The following FGF12 variants were observed in gnomAD, a reference collection of about 807,000 sequenced individuals.
FGF12 encodes fibroblast growth factor 12.
FGF12 carries 14 observed loss-of-function variants against 23.6 expected under a neutral mutation model. The observed-to-expected ratio is 0.59, with a 90% CI of 0.39 to 0.93. The LOEUF is 0.93. Ranked by LOEUF, FGF12 falls within the 40% of genes least tolerant of loss-of-function variation. The pLI is 0.00. For synonymous variants in FGF12, 62 were observed against 77.3 expected (o/e 0.80, Z 1.04); for missense variants, 175 against 217.8 (o/e 0.80, Z 1.24).
At chr3:192,187,633 T>C (rs141477270) in intron 4 of FGF12, among the ~76,000 whole-genome samples, 1 of 152,342 alleles carries the variant, frequency 6.6e-6, no homozygotes, top group East Asian at 1.9e-4. Context: ...TAAGTGATAA[T>C]GCTTCCTTCT....
intron 4 of FGF12, among the ~76,000 whole-genome samples, chr3:192,227,446 A>T (rs748342439): frequency 8.5e-5 from 13 of 152,052 alleles, no homozygotes; most frequent in Non-Finnish European, 1.9e-4. Flanking sequence ...CAATATCCGA[A>T]ATGTACCCTA....
intron 4 of FGF12, among the ~76,000 whole-genome samples, chr3:192,213,952 A>G (rs1000214139): frequency 6.6e-6 from 1 of 152,206 alleles, no homozygotes; most frequent in Non-Finnish European, 1.5e-5. Context: ...CTGGAGTACC[A>G]GGGCATGAAA....
At chr3:192,309,594 G>A (rs1455789287) in intron 4 of FGF12, among the ~76,000 whole-genome samples, 1 of 152,160 alleles carries the variant, frequency 6.6e-6, no homozygotes, top group African/African-American at 2.4e-5. Context: ...AAGAAAGGCA[G>A]ACTACTTCTT....
At chr3:192,467,048 T>C (rs1723031436) in intron 2 of FGF12, among the ~76,000 whole-genome samples, 1 of 152,212 alleles carries the variant, frequency 6.6e-6, no homozygotes, top group African/African-American at 2.4e-5. Flanking sequence ...TTATTTATAA[T>C]TTTTAGGTTT....
chr3:192,602,188 T>C (rs964652369), intron 2 of FGF12, among the ~76,000 whole-genome samples: 3 of 152,054 alleles, frequency 2.0e-5, no homozygotes, highest in African/African-American at 4.8e-5. Flanking sequence ...AGTGGGGAGA[T>C]TGTGTATGTG....
intron 2 of FGF12, among the ~76,000 whole-genome samples, chr3:192,682,360 A>G (rs1453092949): frequency 6.6e-6 from 1 of 152,060 alleles, no homozygotes; most frequent in Non-Finnish European, 1.5e-5. Flanking sequence ...CCGGGTCCCA[A>G]ATCTGAGGTC....
At chr3:192,155,184 C>T (rs941008070) in intron 5 of FGF12, among the ~76,000 whole-genome samples, 60 of 151,828 alleles carry the variant, frequency 4.0e-4, no homozygotes, top group African/African-American at 1.4e-3. Flanking sequence ...GCGCACGGTG[C>T]GCGCACCCAC....
rs1350529949 is a variant in FGF12 at position 192,142,959 on chromosome 3, T to G, written c.*1050A>C. ...GGTACAAACGCAAATGCAATTTGCGTTGACTAATTTCCTAGGACTTATTTC... is the reference window on the plus strand; with the variant it reads ...GGTACAAACGCAAATGCAATTTGCGGTGACTAATTTCCTAGGACTTATTTC... On this transcript the variant is annotated 3_prime_UTR_variant, in exon 6 of 6. Transcript: ENST00000445105. The G allele has an allele frequency of 1.3e-5, 2 of 152,002 alleles. No individual in the cohort carries two copies. Among genetic ancestry groups the G allele is most frequent in the Non-Finnish European group, 2.9e-5 (2 of 67,968 alleles). 9.4% of individuals were successfully genotyped at this position (152,002 alleles called of 1,614,324 possible). A position where few individuals can be genotyped will look rare whatever the true frequency, so the allele number is the denominator to read the frequency against.
intron 2 of FGF12, among the ~76,000 whole-genome samples, chr3:192,627,656 C>A (rs1560173986): frequency 6.6e-6 from 1 of 152,080 alleles, no homozygotes. Context: ...GTAGGGATAT[C>A]ATTTATTTGA....
intron 2 of FGF12, among the ~76,000 whole-genome samples, chr3:192,503,588 GGTGT>G (rs1553822549): frequency 9.3e-6 from 1 of 107,354 alleles, no homozygotes. Context: ...TTTTTTTTTT[GGTGT>G]GTGTGTGTGT....
chr3:192,406,381 G>A (rs151157569), intron 2 of FGF12, among the ~76,000 whole-genome samples: 61 of 152,040 alleles, frequency 4.0e-4, no homozygotes, highest in South Asian at 1.0e-3. Flanking sequence ...GTGCAAGCAC[G>A]TACTTCAGAG....
chr3:192,231,760 ACT>A (rs1175212427), intron 4 of FGF12, among the ~76,000 whole-genome samples: 2 of 151,672 alleles, frequency 1.3e-5, no homozygotes, highest in Non-Finnish European at 2.9e-5. Context: ...ACACAGCAAG[ACT>A]CTGTCTCCAA....
At chr3:192,175,906 C>T (rs1485726635) in intron 4 of FGF12, among the ~76,000 whole-genome samples, 2 of 152,104 alleles carry the variant, frequency 1.3e-5, no homozygotes, top group African/African-American at 4.8e-5. Flanking sequence ...GTTTCTTCTC[C>T]CTGCACATAG....
chr3:192,574,827 T>A (rs1267147179), intron 2 of FGF12, among the ~76,000 whole-genome samples: 2 of 152,202 alleles, frequency 1.3e-5, no homozygotes, highest in African/African-American at 4.8e-5. Context: ...CATGCAGAAG[T>A]GGTCACCTGC....
chr3:192,549,581 A>T lies in FGF12; in HGVS notation c.13+177600T>A, dbSNP rs576160785. On this transcript the variant is annotated intron_variant, in intron 2 of 5. Transcript: ENST00000445105. ...TTGAGTGAGCCACAGAATGCCCAGAAATTTGGCCAAACATTATTCTGGGTA... is the reference window on the plus strand; with the variant it reads ...TTGAGTGAGCCACAGAATGCCCAGATATTTGGCCAAACATTATTCTGGGTA... 7.9e-5 allele frequency among the ~76,000 whole-genome samples: 12 copies of T among 152,056 alleles called. No individual in the cohort carries two copies. In the South Asian group the frequency reaches 2.5e-3, roughly 32 times the overall value.
chr3:192,509,741 A>ATGC (rs1289888407), intron 2 of FGF12, among the ~76,000 whole-genome samples: 4 of 152,222 alleles, frequency 2.6e-5, no homozygotes, highest in Non-Finnish European at 5.9e-5. Context: ...ATAATTTGGT[A>ATGC]TGCTAAGCTA....
chr3:192,146,521 G>C (rs534486329), intron 5 of FGF12, among the ~76,000 whole-genome samples: 1 of 152,096 alleles, frequency 6.6e-6, no homozygotes, highest in East Asian at 1.9e-4. Flanking sequence ...CACCCGCCTC[G>C]ACCTCCCAAA....
At chr3:192,179,146 C>T (rs1261818437) in intron 4 of FGF12, among the ~76,000 whole-genome samples, 1 of 151,352 alleles carries the variant, frequency 6.6e-6, no homozygotes, top group Non-Finnish European at 1.5e-5. Flanking sequence ...TGCCAAATTA[C>T]ATTATCTCAA....
At chr3:192,631,447 A>T (rs1715389224) in intron 2 of FGF12, among the ~76,000 whole-genome samples, 2 of 152,156 alleles carry the variant, frequency 1.3e-5, no homozygotes, top group Admixed American at 1.3e-4. Flanking sequence ...TGCTAACATC[A>T]TTTGTTCACC....
Sources: allele counts gnomAD v4.1 joint callset (sites outside exome capture counted in the v4.1 genomes callset), GRCh38; gene constraint gnomAD v4.1.1; transcripts MANE v1.5; gene names NCBI Gene and HGNC (gene_info 2026-07-23, HGNC 2026-07-21).